ANKRD44: variants seen among roughly 807,000 people sequenced by gnomAD.
ANKRD44 encodes serine/threonine-protein phosphatase 6 regulatory ankyrin repeat subunit B.
In ANKRD44, 35 loss-of-function variants were observed where a neutral mutation model predicts 116.0. That is an observed-to-expected ratio of 0.30 (90% CI 0.23 to 0.40). ANKRD44 has a LOEUF of 0.40. Among genes scored for constraint, ANKRD44 ranks in the 10% least tolerant of loss-of-function variants. ANKRD44 has a pLI of 1.00. For synonymous variants in ANKRD44, 435 were observed against 461.8 expected (o/e 0.94, Z 0.74); for missense variants, 1,014 against 1,242.6 (o/e 0.82, Z 2.77).
intron 17 of ANKRD44, among the ~76,000 whole-genome samples, chr2:197,020,797 G>A (rs1487211691): frequency 7.1e-6 from 1 of 140,268 alleles, no homozygotes; most frequent in Non-Finnish European, 1.5e-5. Flanking sequence ...ATTATATATG[G>A]AGTTTTTTAT....
intron 2 of ANKRD44, among the ~76,000 whole-genome samples, chr2:197,147,441 A>G (rs946561063): frequency 1.3e-5 from 2 of 152,062 alleles, no homozygotes; most frequent in African/African-American, 4.8e-5. Flanking sequence ...AAAAAAAAAA[A>G]AAAAATCTAA....
chr2:197,177,719 AGATTC>A (rs1310919957), intron 2 of ANKRD44, among the ~76,000 whole-genome samples: 17 of 152,308 alleles, frequency 1.1e-4, no homozygotes, highest in African/African-American at 4.1e-4. Flanking sequence ...CCCACCACCA[AGATTC>A]AGCTATAATT....
chr2:197,309,526 C>T (rs183520816), intron 1 of ANKRD44, among the ~76,000 whole-genome samples: 4 of 152,282 alleles, frequency 2.6e-5, no homozygotes, highest in African/African-American at 9.6e-5. Flanking sequence ...AACTGGAGAA[C>T]GCAAGGCAGC....
intron 2 of ANKRD44, among the ~76,000 whole-genome samples, chr2:197,161,810 G>C (rs2125500396): frequency 6.6e-6 from 1 of 152,262 alleles, no homozygotes; most frequent in South Asian, 2.1e-4. Context: ...AGGACACGGG[G>C]TTCAATCAGC....
chr2:197,125,027 TC>T (rs2078943337), intron 6 of ANKRD44, among the ~76,000 whole-genome samples: 1 of 152,258 alleles, frequency 6.6e-6, no homozygotes, highest in African/African-American at 2.4e-5. Context: ...GGAATTTGTG[TC>T]CTTGCTTTCC....
chr2:197,233,549 G>A (rs1161051834), intron 1 of ANKRD44, among the ~76,000 whole-genome samples: 13 of 152,042 alleles, frequency 8.6e-5, no homozygotes, highest in Admixed American at 8.5e-4. Context: ...GCTTTTTTAA[G>A]AGACTGTGGT....
intron 10 of ANKRD44, among the ~76,000 whole-genome samples, chr2:197,095,857 T>G (rs1357387163): frequency 6.6e-6 from 1 of 152,218 alleles, no homozygotes; most frequent in African/African-American, 2.4e-5. Context: ...TACTAAATTG[T>G]GCAGTTAACA....
intron 16 of ANKRD44, among the ~76,000 whole-genome samples, chr2:197,034,140 T>C (rs945267175): frequency 6.6e-6 from 1 of 151,552 alleles, no homozygotes; most frequent in Non-Finnish European, 1.5e-5. Flanking sequence ...GTCTGTATTA[T>C]TGGAAAACAA....
chr2:197,235,580 C>T (rs1463419372), intron 1 of ANKRD44, among the ~76,000 whole-genome samples: 1 of 145,800 alleles, frequency 6.9e-6, no homozygotes, highest in East Asian at 2.0e-4. Flanking sequence ...TGTTGCACTG[C>T]ACTCCAGCCT....
chr2:196,998,761 G>A, intron 24 of ANKRD44, 146 bp downstream of exon 24: 1 of 1,102,014 alleles, frequency 9.1e-7, no homozygotes, highest in Non-Finnish European at 1.3e-6. Flanking sequence ...AAAGACGCTT[G>A]AGCAGGTAGA....
chr2:197,129,576 T>A (rs144757766), intron 4 of ANKRD44, among the ~76,000 whole-genome samples: 1 of 152,162 alleles, frequency 6.6e-6, no homozygotes, highest in East Asian at 1.9e-4. Flanking sequence ...CTATATAAGA[T>A]GCAGAAATAA....
intron 1 of ANKRD44, among the ~76,000 whole-genome samples, chr2:197,235,375 G>A (rs943452660): frequency 6.6e-6 from 1 of 152,160 alleles, no homozygotes; most frequent in Non-Finnish European, 1.5e-5. Context: ...CCAGCACTGT[G>A]GGAGGCTGAG....
Position 197,207,170 on chromosome 2 carries a change from T to C in ANKRD44, c.28-20064A>G, listed in dbSNP as rs77513762. ...AAGCAAGTTTGGATCTACCCCAAAA[T>C]TGGCCACAGAGCAAGCAACTGGAAA... is the stretch of plus-strand genomic sequence containing the variant. On this transcript the variant is annotated intron_variant, in intron 1 of 27. Transcript: ENST00000282272. Among the ~76,000 whole-genome samples the C allele has an allele frequency of 2.9e-3, 442 of 152,278 alleles. 4 individuals carry two copies. Among genetic ancestry groups the C allele is most frequent in the African/African-American group, 9.8e-3 (406 of 41,558 alleles).
At chr2:197,034,050 TAGAGAGAGAGAG>T (rs60018972) in intron 16 of ANKRD44, among the ~76,000 whole-genome samples, 4 of 110,578 alleles carry the variant, frequency 3.6e-5, no homozygotes, top group Non-Finnish European at 7.1e-5. Context: ...ATATGAGGGC[TAGAGAGAGAGAG>T]AGAGAGAGAG....
chr2:197,118,637 G>GAAAGAAAGAAAGAAAGAAAGAAAGAA (rs1553512574), intron 8 of ANKRD44, among the ~76,000 whole-genome samples: 14 of 112,438 alleles, frequency 1.2e-4, no homozygotes, highest in African/African-American at 3.3e-4. Context: ...GAGAGAGAGA[G>GAAAGAAAGAAAGAAAGAAAGAAAGAA]AGAAAGAAAG....
intron 1 of ANKRD44, among the ~76,000 whole-genome samples, chr2:197,213,142 C>T (rs2081361730): frequency 1.3e-5 from 2 of 152,182 alleles, no homozygotes; most frequent in Admixed American, 1.3e-4. Context: ...TACAAGACTT[C>T]TACCTCACAC....
chr2:197,008,831 T>C (rs1164446716), intron 19 of ANKRD44, 113 bp downstream of exon 19: 1 of 912,852 alleles, frequency 1.1e-6, no homozygotes, highest in Non-Finnish European at 1.7e-6. Flanking sequence ...CTGGTCCAAA[T>C]ATATTCCTCC....
intron 16 of ANKRD44, among the ~76,000 whole-genome samples, chr2:197,031,345 G>A (rs2076703730): frequency 6.6e-6 from 1 of 152,072 alleles, no homozygotes. Context: ...TTGTGTGTGT[G>A]TTTTGTCTTA....
chr2:197,122,717 G>A lies in ANKRD44; in HGVS notation c.626C>T (p.Pro209Leu). Residue 209 changes from proline to leucine, a missense_variant, in exon 7 of 28, where the codon CCT becomes CTT. By Grantham distance (98) the Pro-to-Leu change is moderately conservative (BLOSUM62 -3). Coordinates refer to ENST00000282272, the MANE Select transcript of ANKRD44 (RefSeq NM_001195144.2). ...VTCKDKKGYT[P>L]LHAAASNGQI... is the part of the protein sequence containing the mutation. ...TCCATTGGAGGCTGCAGCATGCAGA[G>A]GGGTATAACCCTTCTTATCCTTACA... 1 of 1,614,154 alleles carries A rather than the reference G, an allele frequency of 6.2e-7. No individual in the cohort carries two copies. Among genetic ancestry groups the A allele is most frequent in the Non-Finnish European group, 8.5e-7 (1 of 1,179,970 alleles).
Sources: gnomAD v4.1 joint callset for allele counts (sites outside exome capture counted in the v4.1 genomes callset) on GRCh38, gnomAD v4.1.1 for gene constraint, MANE v1.5 for transcripts, NCBI Gene and HGNC (gene_info 2026-07-23, HGNC 2026-07-21) for gene names.